The following NAV3 variants were observed in gnomAD, a reference collection of about 807,000 sequenced individuals.
NAV3 encodes the protein neuron navigator 3, also known as pore membrane and/or filament interacting like protein 1.
Under a neutral mutation model 244.7 loss-of-function variants are expected in NAV3, and 87 were observed. The observed-to-expected ratio is 0.36, with a 90% confidence interval of 0.30 to 0.42. The LOEUF is 0.42. Among genes scored for constraint, NAV3 ranks in the 20% least tolerant of loss-of-function variants. The pLI, the probability that NAV3 is intolerant of heterozygous loss-of-function variation, is 1.00. For synonymous variants in NAV3, 1,126 were observed against 1,042.2 expected, an observed-to-expected ratio of 1.08 and a Z score of -1.55; for missense variants, 2,663 against 2,893.3, an observed-to-expected ratio of 0.92 and a Z score of 1.83.
At chr12:77,815,621 A>G (rs906683804) in intron 2 of NAV3, among the ~76,000 whole-genome samples, 9 of 152,216 alleles carry the variant, frequency 5.9e-5, no homozygotes, top group African/African-American at 1.7e-4. Flanking sequence ...TTAAAATTAC[A>G]TCATAGTCCA....
At chr12:77,827,260 A>AAAAAAAC (rs1474559232), upstream of NAV3, among the ~76,000 whole-genome samples, 4 of 134,292 alleles carry the variant, frequency 3.0e-5, no homozygotes, top group African/African-American at 5.1e-5. Context: ...AAAAAAAAAA[A>AAAAAAAC]AGTAATGTGG....
chr12:77,606,769 A>G (rs1165141118), intron 2 of NAV3, among the ~76,000 whole-genome samples: 1 of 152,068 alleles, frequency 6.6e-6, no homozygotes, highest in African/African-American at 2.4e-5. Flanking sequence ...CAAAACTTCA[A>G]CCTTATGCTG....
At chr12:78,009,785 T>C (rs1355183598) in intron 8 of NAV3, among the ~76,000 whole-genome samples, 2 of 152,232 alleles carry the variant, frequency 1.3e-5, no homozygotes, top group African/African-American at 2.4e-5. Flanking sequence ...AAAGGATGCC[T>C]ACCTCGATTG....
chr12:77,645,224 TGA>T lies in NAV3; in HGVS notation c.72+72962_72+72963del, dbSNP rs374555741. ...GGGGGTAGGAAGGGTTACAAAAGGT[TGA>T]GAGTCACACAAATAATTCAAAATGA... On this transcript the variant is annotated intron_variant, in intron 2 of 8. Transcript: ENST00000550042. Among the ~76,000 whole-genome samples, 7 of 151,912 alleles carry T rather than the reference TGA, an allele frequency of 4.6e-5. No homozygotes were observed. In the South Asian group the frequency reaches 1.5e-3, roughly 31 times the overall value.
At chr12:78,121,219 C>A (rs1187181107) in intron 15 of NAV3, among the ~76,000 whole-genome samples, 1 of 152,178 alleles carries the variant, frequency 6.6e-6, no homozygotes, top group Admixed American at 6.5e-5. Context: ...ATTCTACCAT[C>A]TGCTTCATTT....
At chr12:78,024,112 C>A (rs1453812388) in intron 9 of NAV3, among the ~76,000 whole-genome samples, 3 of 152,180 alleles carry the variant, frequency 2.0e-5, no homozygotes, top group Non-Finnish European at 4.4e-5. Context: ...TTGATCCTAC[C>A]ACTTTTTACC....
At chr12:77,624,724 A>G (rs1871540841) in intron 2 of NAV3, among the ~76,000 whole-genome samples, 1 of 152,224 alleles carries the variant, frequency 6.6e-6, no homozygotes, top group Admixed American at 6.5e-5. Flanking sequence ...TTCATTTGAG[A>G]AAGTAACATT....
intron 2 of NAV3, among the ~76,000 whole-genome samples, chr12:77,737,574 G>A (rs1304039074): frequency 6.6e-6 from 1 of 152,072 alleles, no homozygotes; most frequent in Non-Finnish European, 1.5e-5. Flanking sequence ...GAGTAAGGGT[G>A]AGCATTTCAT....
intron 34 of NAV3, among the ~76,000 whole-genome samples, chr12:78,190,827 G>A (rs1958942692): frequency 6.6e-6 from 1 of 152,044 alleles, no homozygotes; most frequent in Non-Finnish European, 1.5e-5. Flanking sequence ...ATATTAAAAA[G>A]GCATGAGGGC....
At chr12:77,860,556 A>G (rs191069340) in intron 1 of NAV3, among the ~76,000 whole-genome samples, 8 of 151,856 alleles carry the variant, frequency 5.3e-5, no homozygotes, top group Admixed American at 2.6e-4. Flanking sequence ...AGAAATAGCC[A>G]TCTCTAAAGT....
In NAV3 at chr12:78,116,750, C is replaced by T. The variant is rs1044275395; in HGVS notation, c.2637-22C>T. ...TGTGCATCCTGTGTTTGATTCACTGCTCTTGCATGTCTTGCCTTTAGCTGG... is the reference window on the plus strand; with the variant it reads ...TGTGCATCCTGTGTTTGATTCACTGTTCTTGCATGTCTTGCCTTTAGCTGG... On this transcript the variant is annotated intron_variant, in intron 12 of 39. Transcript: ENST00000397909. The T allele has an allele frequency of 1.9e-6, 3 of 1,561,366 alleles. No homozygotes were observed. In the African/African-American group the frequency reaches 4.1e-5, roughly 21 times the overall value.
chr12:78,197,690 A>G lies in NAV3; in HGVS notation c.6446+289A>G, dbSNP rs531530794. 6.8e-4 allele frequency among the ~76,000 whole-genome samples: 104 copies of G among 151,970 alleles called. 1 individual carries two copies. Among genetic ancestry groups the G allele is most frequent in the African/African-American group, 2.4e-3 (100 of 41,554 alleles). On this transcript the variant is annotated intron_variant, in intron 35 of 39. Coordinates refer to ENST00000397909, the MANE Select transcript of NAV3 (RefSeq NM_001024383.2). ...GAGAAACCCTCTTTAATATTATACC[A>G]CAGTTTTAAAGACTCCATATGCATT...
chr12:77,599,076 A>T (rs1246790264), intron 2 of NAV3, among the ~76,000 whole-genome samples: 2 of 151,910 alleles, frequency 1.3e-5, no homozygotes, highest in African/African-American at 4.8e-5. Context: ...CTCTGCTTCT[A>T]TGAGTGTAAT....
chr12:77,832,493 T>C (rs1475972869), intron 1 of NAV3, among the ~76,000 whole-genome samples: 1 of 152,184 alleles, frequency 6.6e-6, no homozygotes, highest in Non-Finnish European at 1.5e-5. Flanking sequence ...ATTAGGTGTA[T>C]ATATTTATGG....
chr12:78,085,624 A>G (rs1452422568), intron 12 of NAV3, among the ~76,000 whole-genome samples: 1 of 152,126 alleles, frequency 6.6e-6, no homozygotes, highest in Admixed American at 6.6e-5. Flanking sequence ...GGATTTGGGA[A>G]GGGAGAAGAT....
chr12:77,595,286 C>A (rs1023870879), intron 2 of NAV3, among the ~76,000 whole-genome samples: 8 of 151,916 alleles, frequency 5.3e-5, no homozygotes, highest in Non-Finnish European at 7.4e-5. Context: ...GTGCAATAAG[C>A]CAAACAGAGA....
At chr12:77,842,148 C>G (rs1043756114) in intron 1 of NAV3, among the ~76,000 whole-genome samples, 1 of 152,078 alleles carries the variant, frequency 6.6e-6, no homozygotes, top group Non-Finnish European at 1.5e-5. Context: ...TCTTTTAAAG[C>G]AAAACACTGA....
chr12:77,669,302 C>T lies in NAV3; in HGVS notation c.72+97036C>T, dbSNP rs546817829. ...AACAACACAATGAAGAAAAAAACAACGTATTCAGGCAACAAATAGCACGAT... is the reference window on the plus strand; with the variant it reads ...AACAACACAATGAAGAAAAAAACAATGTATTCAGGCAACAAATAGCACGAT... On this transcript the variant is annotated intron_variant, in intron 2 of 8. Transcript: ENST00000550042. Among the ~76,000 whole-genome samples the T allele has an allele frequency of 1.3e-3, 197 of 152,098 alleles. 1 individual carries two copies. Among genetic ancestry groups the T allele is most frequent in the African/African-American group, 4.0e-3 (164 of 41,512 alleles).
intron 9 of NAV3, among the ~76,000 whole-genome samples, chr12:78,024,427 G>A (rs1018438218): frequency 6.6e-6 from 1 of 151,908 alleles, no homozygotes; most frequent in South Asian, 2.1e-4. Flanking sequence ...TTTCTCAAAT[G>A]TCCGACATCA....
Sources: allele counts gnomAD v4.1 joint callset (sites outside exome capture counted in the v4.1 genomes callset), GRCh38; gene constraint gnomAD v4.1.1; transcripts MANE v1.5; gene names NCBI Gene and HGNC (gene_info 2026-07-23, HGNC 2026-07-21).